Variants in RGS8 observed in about 807,000 individuals in gnomAD.
The protein encoded by RGS8 is regulator of G-protein signaling 8.
RGS8 carries 8 observed loss-of-function variants against 21.7 expected under a neutral mutation model. The ratio of observed to expected loss-of-function variants is 0.37; its 90% CI spans 0.22 to 0.66. The LOEUF (loss-of-function observed/expected upper bound fraction) is 0.66. Ranked by LOEUF, RGS8 falls within the 30% of genes least tolerant of loss-of-function variation. RGS8 has a pLI of 0.59. For missense variants in RGS8, 157 were observed against 217.9 expected, an observed-to-expected ratio of 0.72 and a Z score of 1.76; for synonymous variants, 80 against 83.6, an observed-to-expected ratio of 0.96 and a Z score of 0.24.
the RGS8 span, among the ~76,000 whole-genome samples, chr1:182,738,929 T>C: frequency 6.6e-6 from 1 of 152,206 alleles, no homozygotes; most frequent in Non-Finnish European, 1.5e-5. Context: ...GTAAGGACAT[T>C]GAAAGATGCG....
At chr1:182,648,167 C>T in exon 6 of RGS8, 1 of 1,612,904 alleles carries the variant, frequency 6.2e-7, no homozygotes, top group East Asian at 2.2e-5. Context: ...CCACAAACTC[C>T]TCAAAGATCC....
the RGS8 span, among the ~76,000 whole-genome samples, chr1:182,741,846 A>T: frequency 9.0e-6 from 1 of 111,422 alleles, no homozygotes; most frequent in South Asian, 3.0e-4. Context: ...GGCGCCCCTC[A>T]CCTCCCGGAC....
At chr1:182,691,656 A>G in the RGS8 span, among the ~76,000 whole-genome samples, 2 of 151,484 alleles carry the variant, frequency 1.3e-5, no homozygotes, top group Non-Finnish European at 1.5e-5. Flanking sequence ...CCAGGCATCA[A>G]AAGTGCATAC....
chr1:182,664,977 T>A (rs763827928), intron 5 of RGS8, among the ~76,000 whole-genome samples: 75 of 152,320 alleles, frequency 4.9e-4, no homozygotes, highest in Non-Finnish European at 1.0e-3. Context: ...AACTACTTAG[T>A]AACAACGCTG....
At chr1:182,741,146 C>T in the RGS8 span, among the ~76,000 whole-genome samples, 2 of 150,714 alleles carry the variant, frequency 1.3e-5, no homozygotes, top group African/African-American at 4.9e-5. Flanking sequence ...CAGAGGCGCC[C>T]CTCACCTCCC....
intron 5 of RGS8, among the ~76,000 whole-genome samples, chr1:182,657,196 T>G (rs1434666515): frequency 6.7e-6 from 1 of 149,528 alleles, no homozygotes; most frequent in Non-Finnish European, 1.5e-5. Context: ...AGCTCCACAC[T>G]GTTTCTCCCC....
chr1:182,730,849 G>A, the RGS8 span, among the ~76,000 whole-genome samples: 18 of 152,042 alleles, frequency 1.2e-4, no homozygotes, highest in East Asian at 1.9e-4. Context: ...TCTCATTCCC[G>A]GAAATTCTGA....
the RGS8 span, among the ~76,000 whole-genome samples, chr1:182,736,981 T>C: frequency 1.3e-5 from 2 of 152,178 alleles, no homozygotes; most frequent in Non-Finnish European, 2.9e-5. Flanking sequence ...GTTTTCTCAG[T>C]CCTGGAGGCC....
chr1:182,744,678 G>A, the RGS8 span, among the ~76,000 whole-genome samples: 2 of 152,198 alleles, frequency 1.3e-5, no homozygotes, highest in African/African-American at 4.8e-5. Flanking sequence ...ATACAGGTTT[G>A]TTGCCTAGGT....
chr1:182,711,401 T>C, the RGS8 span, among the ~76,000 whole-genome samples: 1 of 152,170 alleles, frequency 6.6e-6, no homozygotes, highest in Non-Finnish European at 1.5e-5. Flanking sequence ...CTTTTCAAAA[T>C]GACACAGGTC....
chr1:182,749,968 T>C, the RGS8 span, among the ~76,000 whole-genome samples: 3 of 152,208 alleles, frequency 2.0e-5, no homozygotes, highest in African/African-American at 7.2e-5. Context: ...CTTAGTCTGT[T>C]TCTTCATCTA....
the RGS8 span, among the ~76,000 whole-genome samples, chr1:182,740,015 G>A: frequency 6.6e-6 from 1 of 152,106 alleles, no homozygotes; most frequent in Non-Finnish European, 1.5e-5. Context: ...GGTGAAACTA[G>A]CCTCCAATCC....
At chr1:182,671,572 G>A in intron 2 of RGS8, 85 bp downstream of exon 3, 1 of 1,180,172 alleles carries the variant, frequency 8.5e-7, no homozygotes, top group South Asian at 1.3e-5. Flanking sequence ...TATGCATGAA[G>A]AGGCAAGTTA....
chr1:182,667,818 C>T (rs1220357723), intron 3 of RGS8, among the ~76,000 whole-genome samples: 5 of 151,610 alleles, frequency 3.3e-5, no homozygotes, highest in East Asian at 1.9e-4. Flanking sequence ...CATTAGTCTC[C>T]GTTTACCACT....
the RGS8 span, among the ~76,000 whole-genome samples, chr1:182,698,346 C>T: frequency 6.6e-6 from 1 of 152,172 alleles, no homozygotes; most frequent in Non-Finnish European, 1.5e-5. Context: ...TGGTTTAAAT[C>T]CCAGCTCTAC....
intron 5 of RGS8, among the ~76,000 whole-genome samples, chr1:182,662,297 AT>A (rs1253529945): frequency 6.6e-6 from 1 of 152,188 alleles, no homozygotes; most frequent in African/African-American, 2.4e-5. Context: ...AGTATTTTAC[AT>A]AACCCTGCAG....
exon 7 of RGS8, chr1:182,646,577 G>T: frequency 1.5e-6 from 1 of 652,724 alleles, no homozygotes; most frequent in Non-Finnish European, 2.6e-6. Flanking sequence ...CCGGCAGCTG[G>T]GTCATACTTT....
chr1:182,692,327 T>C, the RGS8 span, among the ~76,000 whole-genome samples: 1,249 of 152,092 alleles, frequency 8.2e-3, 14 homozygotes, highest in African/African-American at 0.026. Context: ...TATACACCAA[T>C]AATGTCCAAG....
intron 1 of RGS8, 79 bp from the exon 3 acceptor site, chr1:182,671,809 C>T (rs1236788599): frequency 6.3e-7 from 1 of 1,575,836 alleles, no homozygotes; most frequent in African/African-American, 1.4e-5. Context: ...CACATAGGGG[C>T]ACACACACAC....
Sources: gnomAD v4.1 joint callset for allele counts (sites outside exome capture counted in the v4.1 genomes callset) on GRCh38, gnomAD v4.1.1 for gene constraint, MANE v1.5 for transcripts, NCBI Gene and HGNC (gene_info 2026-07-23, HGNC 2026-07-21) for gene names.